BRINP2: variants seen among roughly 807,000 people sequenced by gnomAD.
The protein encoded by BRINP2 is BMP/retinoic acid-inducible neural-specific protein 2.
A neutral mutation model predicts 69.2 loss-of-function variants in BRINP2; 21 were observed. That is an observed-to-expected ratio of 0.30 (90% CI 0.22 to 0.44). The LOEUF is 0.44. Ranked by LOEUF, BRINP2 falls within the 20% of genes least tolerant of loss-of-function variation. The pLI is 1.00. For missense variants in BRINP2, 877 were observed against 986.0 expected, an observed-to-expected ratio of 0.89 and a Z score of 1.48; for synonymous variants, 380 against 394.1, an observed-to-expected ratio of 0.96 and a Z score of 0.42.
chr1:177,190,339 A>G (rs1387228123), intron 1 of BRINP2, among the ~76,000 whole-genome samples: 2 of 152,124 alleles, frequency 1.3e-5, no homozygotes, highest in African/African-American at 4.8e-5. Flanking sequence ...ATGTCCTTTC[A>G]AGACTATTTA....
intron 1 of BRINP2, among the ~76,000 whole-genome samples, chr1:177,194,775 ATG>A (rs141397930): frequency 2.0e-5 from 3 of 150,658 alleles, no homozygotes; most frequent in Non-Finnish European, 3.0e-5. Flanking sequence ...GTGTGTGTGT[ATG>A]TGTGTGTGTG....
At chr1:177,194,870 T>C (rs1486725975) in intron 1 of BRINP2, among the ~76,000 whole-genome samples, 2 of 152,180 alleles carry the variant, frequency 1.3e-5, no homozygotes, top group Admixed American at 1.3e-4. Flanking sequence ...CTGTACTTTC[T>C]CCAGTGGTAT....
intron 4 of BRINP2, among the ~76,000 whole-genome samples, chr1:177,259,730 A>G (rs916097576): frequency 6.6e-6 from 1 of 152,202 alleles, no homozygotes; most frequent in African/African-American, 2.4e-5. Context: ...AAATGGAACA[A>G]TCCAGCCTCG....
intron 2 of BRINP2, among the ~76,000 whole-genome samples, chr1:177,255,309 G>C (rs973576104): frequency 2.0e-5 from 3 of 152,176 alleles, no homozygotes; most frequent in Non-Finnish European, 4.4e-5. Context: ...TATGTTATAT[G>C]TAATGGGTTT....
At chr1:177,265,439 TTCA>T (rs1201075505) in intron 4 of BRINP2, among the ~76,000 whole-genome samples, 1 of 152,238 alleles carries the variant, frequency 6.6e-6, no homozygotes, top group Non-Finnish European at 1.5e-5. Context: ...AATCTAGGAC[TTCA>T]TCAACTTTTA....
At chr1:177,205,369 G>C (rs187631603) in intron 1 of BRINP2, among the ~76,000 whole-genome samples, 1 of 152,256 alleles carries the variant, frequency 6.6e-6, no homozygotes, top group African/African-American at 2.4e-5. Context: ...TCGAACTCCT[G>C]ACCTCTGACC....
intron 2 of BRINP2, among the ~76,000 whole-genome samples, chr1:177,235,873 G>GGTTA (rs1437492160): frequency 6.6e-6 from 1 of 152,140 alleles, no homozygotes; most frequent in Non-Finnish European, 1.5e-5. Context: ...AAAGGAAGGA[G>GGTTA]GTTAGCTCTT....
At chr1:177,229,272 C>A (rs768704619) in intron 1 of BRINP2, among the ~76,000 whole-genome samples, 5 of 152,216 alleles carry the variant, frequency 3.3e-5, no homozygotes, top group Non-Finnish European at 7.3e-5. Flanking sequence ...CACTCAGCTT[C>A]ACAGCAGCAA....
chr1:177,179,238 G>A (rs899479082), intron 1 of BRINP2, among the ~76,000 whole-genome samples: 4 of 152,196 alleles, frequency 2.6e-5, no homozygotes, highest in Non-Finnish European at 5.9e-5. Flanking sequence ...CTGAGGCATC[G>A]GTCAGGGAAA....
chr1:177,260,569 T>C (rs552835205), intron 4 of BRINP2, among the ~76,000 whole-genome samples: 1 of 152,146 alleles, frequency 6.6e-6, no homozygotes, highest in Non-Finnish European at 1.5e-5. Context: ...GCAAACTTCA[T>C]TGTTGTCTTA....
intron 1 of BRINP2, among the ~76,000 whole-genome samples, chr1:177,227,773 C>CT (rs1221051859): frequency 6.6e-6 from 1 of 151,990 alleles, no homozygotes; most frequent in African/African-American, 2.4e-5. Flanking sequence ...GTGTCTGATG[C>CT]TTTTTTTCAT....
intron 1 of BRINP2, among the ~76,000 whole-genome samples, chr1:177,179,293 A>G (rs16850902): frequency 0.011 from 1,672 of 152,322 alleles, 31 homozygotes; most frequent in African/African-American, 0.039. Flanking sequence ...TAATTTGTCA[A>G]TTGAGAAAAG....
chr1:177,275,300 G>A (rs1186154029), intron 5 of BRINP2: 2 of 454,470 alleles, frequency 4.4e-6, no homozygotes, highest in Non-Finnish European at 8.9e-6. Flanking sequence ...GCAATTTAGT[G>A]CATTCTATCC....
intron 1 of BRINP2, among the ~76,000 whole-genome samples, chr1:177,193,212 C>A (rs528039667): frequency 1.4e-4 from 22 of 152,142 alleles, no homozygotes; most frequent in Non-Finnish European, 2.9e-4. Context: ...TTCACCTACC[C>A]TACAGTCAGA....
Position 177,190,886 on chromosome 1 carries a change from T to C in BRINP2, c.-77+19154T>C, listed in dbSNP as rs1204524538. The stretch of plus-strand genomic sequence containing the variant: ...TTTGTGTATCTTCCTCATAGGGTTA[T>C]GGTGAGGACTAATAATACAATTTAG... On this transcript the variant is annotated intron_variant, in intron 1 of 7. Coordinates refer to ENST00000361539, the MANE Select transcript of BRINP2 (RefSeq NM_021165.4). Among the ~76,000 whole-genome samples the C allele has an allele frequency of 2.0e-5, 3 of 152,202 alleles. 1 individual carries two copies. Among genetic ancestry groups the C allele is most frequent in the Non-Finnish European group, 4.4e-5 (3 of 68,038 alleles).
At chr1:177,209,221 A>AAAAAAG (rs922368936) in intron 1 of BRINP2, among the ~76,000 whole-genome samples, 2 of 152,134 alleles carry the variant, frequency 1.3e-5, no homozygotes, top group Non-Finnish European at 2.9e-5. Flanking sequence ...ATTTAAAAAA[A>AAAAAAG]AAAAAGAAAA....
intron 2 of BRINP2, among the ~76,000 whole-genome samples, chr1:177,248,302 C>A (rs1650452687): frequency 6.6e-6 from 1 of 151,950 alleles, no homozygotes; most frequent in South Asian, 2.1e-4. Flanking sequence ...TCTAAATGCT[C>A]CAGTGAGTGT....
chr1:177,266,952 T>A (rs1010628025), intron 4 of BRINP2, among the ~76,000 whole-genome samples: 4 of 152,124 alleles, frequency 2.6e-5, no homozygotes. Context: ...TATGAGGTCC[T>A]TGTGGAAGAG....
intron 3 of BRINP2, chr1:177,256,772 G>C: frequency 1.8e-6 from 2 of 1,112,914 alleles, no homozygotes; most frequent in Non-Finnish European, 2.2e-6. Context: ...CAGGTGTTGA[G>C]TGTTTGATGG....
Sources: allele counts gnomAD v4.1 joint callset (sites outside exome capture counted in the v4.1 genomes callset), GRCh38; gene constraint gnomAD v4.1.1; transcripts MANE v1.5; gene names NCBI Gene and HGNC (gene_info 2026-07-23, HGNC 2026-07-21).